Variants in GIMAP8 observed in about 807,000 individuals in gnomAD.
GIMAP8 encodes GTPase IMAP family member 8.
A neutral mutation model predicts 35.6 loss-of-function variants in GIMAP8; 29 were observed. The observed-to-expected ratio is 0.81, with a 90% CI of 0.61 to 1.11. GIMAP8 has a LOEUF of 1.11. Ranked by LOEUF, GIMAP8 falls within the 50% of genes most tolerant of loss-of-function variation. The pLI, the probability that GIMAP8 is intolerant of heterozygous loss-of-function variation, is 0.00. For missense variants in GIMAP8, 811 were observed against 805.0 expected (o/e 1.01, Z -0.09); for synonymous variants, 335 against 308.7 (o/e 1.09, Z -0.89).
At position 150,477,178 on chromosome 7, in the gene GIMAP8, T is replaced by C. The variant is rs1802250067; in HGVS notation, c.1396T>C (p.Ser466Pro). 6.2e-7 allele frequency: 1 copy of C among 1,614,054 alleles called. No individual in the cohort carries two copies. Among genetic ancestry groups the C allele is most frequent in the Non-Finnish European group, 8.5e-7 (1 of 1,179,982 alleles). Residue 466 changes from serine to proline, a missense_variant, in exon 5 of 5, where the codon TCT becomes CCT. Coordinates refer to ENST00000307271, the MANE Select transcript of GIMAP8 (RefSeq NM_175571.4). The stretch of plus-strand genomic sequence containing the variant: ...TATCCTGGGGAGCCTCGTCTTCACC[T>C]CTCGGCTCCGGGCCCAGCCAGTCAC... ...NSILGSLVFT[S>P]RLRAQPVTKT...
intron 1 of GIMAP8, among the ~76,000 whole-genome samples, chr7:150,459,441 G>A (rs550010782): frequency 7.2e-5 from 11 of 152,268 alleles, no homozygotes; most frequent in Admixed American, 1.3e-4. Context: ...TTGAGGATGC[G>A]AAGTAAAAAT....
chr7:150,466,715 GC>G lies in GIMAP8; in HGVS notation c.19del (p.Gln7ArgfsTer39). 1 of 1,614,104 alleles carries G rather than the reference GC, an allele frequency of 6.2e-7. No individual in the cohort carries two copies. Among genetic ancestry groups the G allele is most frequent in the African/African-American group, 1.3e-5 (1 of 75,070 alleles). On this transcript the variant is annotated frameshift_variant, in exon 2 of 5. Transcript: ENST00000307271. LOFTEE classifies it high-confidence loss of function. ...CAGGAAAGCATGTCAGAGCAGAGCTGCCAGATGTCCGAACTGCGGCTCCTCC... is the reference window on the plus strand; with the variant it reads ...CAGGAAAGCATGTCAGAGCAGAGCTGCAGATGTCCGAACTGCGGCTCCTCC... MSEQSCQMSELRLLLL... is the reference protein window; with the variant it reads MSEQSXQMSELRLLLL...
chr7:150,476,358 G>A (rs536569414), intron 4 of GIMAP8, among the ~76,000 whole-genome samples: 149 of 152,342 alleles, frequency 9.8e-4, no homozygotes, highest in Middle Eastern at 6.8e-3. Flanking sequence ...AACGCATATT[G>A]TAAGGTCTCT....
rs552441955 is a variant in GIMAP8, at chr7:150,463,679, C to T, written c.-28-2992C>T. Among the ~76,000 whole-genome samples, 8 of 152,282 alleles carry T rather than the reference C, an allele frequency of 5.3e-5. No homozygotes were observed. In the East Asian group the frequency reaches 1.5e-3, roughly 29 times the overall value. On this transcript the variant is annotated intron_variant, in intron 1 of 4. Transcript: ENST00000307271. ...GTTAGTGAAGGCTGTGGTAAGATTT[C>T]CTGGGGATAGAGATACCAAGTGGGC... is the stretch of plus-strand genomic sequence containing the variant.
At chr7:150,461,995 A>G (rs1350492724) in intron 1 of GIMAP8, among the ~76,000 whole-genome samples, 2 of 152,134 alleles carry the variant, frequency 1.3e-5, no homozygotes, top group Non-Finnish European at 2.9e-5. Context: ...ATTAGTTCTT[A>G]TAGGTTCTGG....
chr7:150,473,007 A>C (rs1200920162), intron 3 of GIMAP8, among the ~76,000 whole-genome samples: 7 of 152,210 alleles, frequency 4.6e-5, no homozygotes, highest in African/African-American at 1.4e-4. Flanking sequence ...TTAGATTCCC[A>C]TTCTACCAAC....
intron 2 of GIMAP8, among the ~76,000 whole-genome samples, chr7:150,467,554 T>C (rs1203426704): frequency 2.0e-5 from 3 of 152,226 alleles, no homozygotes; most frequent in Non-Finnish European, 4.4e-5. Context: ...AATGGACAAA[T>C]TTAAGCCTTT....
rs1164894270 is a variant in GIMAP8, at chr7:150,452,002, C to A, written c.-29+827C>A. The stretch of plus-strand genomic sequence containing the variant: ...AACTGCGATTAGATGTGGGATGAAT[C>A]CCCGCATGGCTGGATGCTGTGCTCA... On this transcript the variant is annotated intron_variant, in intron 1 of 4. Transcript: ENST00000307271. Among the ~76,000 whole-genome samples, 3 of 152,210 alleles carry A rather than the reference C, an allele frequency of 2.0e-5. No homozygotes were observed. The East Asian group carries it at 5.8e-4, about 29-fold the overall frequency.
intron 1 of GIMAP8, among the ~76,000 whole-genome samples, chr7:150,456,362 C>T (rs190466229): frequency 6.6e-6 from 1 of 152,296 alleles, no homozygotes; most frequent in Admixed American, 6.5e-5. Context: ...CCTTTTCCAG[C>T]TTCTAGAAGC....
chr7:150,459,768 A>C (rs1801807022), intron 1 of GIMAP8, among the ~76,000 whole-genome samples: 1 of 152,156 alleles, frequency 6.6e-6, no homozygotes, highest in Non-Finnish European at 1.5e-5. Context: ...TTTGCTGTGA[A>C]GTGAGTTCCT....
rs767031054 is a variant in GIMAP8, at chr7:150,467,008, G to A, written c.310G>A (p.Gly104Ser). Reference sequence around the variant, plus strand: ...TGCTCTGCTCTTGGTAATTGCCATCGGCCATTTCACAAGGGAGGATGAGGA... The same window carrying A: ...TGCTCTGCTCTTGGTAATTGCCATCAGCCATTTCACAAGGGAGGATGAGGA... ...LHALLLVIAI[G>S]HFTREDEETA... Residue 104 changes from glycine (G) to serine (S), a missense_variant, in exon 2 of 5, where the codon GGC becomes AGC. Gly to Ser is a moderately conservative substitution (Grantham distance 56). Coordinates refer to ENST00000307271, the MANE Select transcript of GIMAP8 (RefSeq NM_175571.4). 6.3e-5 allele frequency: 102 copies of A among 1,614,018 alleles called. No individual in the cohort carries two copies. Among genetic ancestry groups the A allele is most frequent in the Non-Finnish European group, 8.3e-5 (98 of 1,180,028 alleles).
chr7:150,474,084 T>C lies in GIMAP8; in HGVS notation c.755T>C (p.Leu252Pro), dbSNP rs1374443899. The change falls in exon 4 of 5, where the codon CTT (leucine) becomes CCT (proline). Residue 252 changes from leucine (L) to proline (P), a missense_variant. Coordinates refer to ENST00000307271, the MANE Select transcript of GIMAP8 (RefSeq NM_175571.4). ...GGGACATCAGAACTGACAGTCCTCC[T>C]TGTGGGGAAACGCGGTGCTGGAAAA... is the stretch of plus-strand genomic sequence containing the variant. ...NPGTSELTVL[L>P]VGKRGAGKSA... 6.8e-6 allele frequency: 11 copies of C among 1,614,136 alleles called. No homozygotes were observed. Among genetic ancestry groups the C allele is most frequent in the Non-Finnish European group, 9.3e-6 (11 of 1,180,026 alleles).
At chr7:150,471,395 C>G (rs560995463) in intron 3 of GIMAP8, among the ~76,000 whole-genome samples, 58 of 152,322 alleles carry the variant, frequency 3.8e-4, no homozygotes, top group South Asian at 8.3e-4. Context: ...ACAAATGCAA[C>G]CATGCCTTTA....
At chr7:150,473,710 C>T (rs1254362057) in intron 3 of GIMAP8, among the ~76,000 whole-genome samples, 1 of 151,628 alleles carries the variant, frequency 6.6e-6, no homozygotes, top group African/African-American at 2.4e-5. Flanking sequence ...TGGTAGGCCC[C>T]AGTACTTACC....
At chr7:150,470,694 G>A in intron 2 of GIMAP8, 135 bp from the exon 3 acceptor site, 1 of 648,942 alleles carries the variant, frequency 1.5e-6, no homozygotes, top group Non-Finnish European at 2.6e-6. Context: ...CCAGGGCCTT[G>A]ATTTGACCAC....
chr7:150,455,090 A>G (rs1420265011), intron 1 of GIMAP8, among the ~76,000 whole-genome samples: 1 of 151,290 alleles, frequency 6.6e-6, no homozygotes. Flanking sequence ...GTGGGCCAAG[A>G]TCGTGCCATT....
At chr7:150,465,227 G>A (rs901636660) in intron 1 of GIMAP8, among the ~76,000 whole-genome samples, 5 of 152,214 alleles carry the variant, frequency 3.3e-5, no homozygotes, top group African/African-American at 1.2e-4. Flanking sequence ...GGCCATCCAA[G>A]AGGGTGCTGT....
chr7:150,470,973 A>ATG, intron 3 of GIMAP8, 99 bp downstream of exon 3: 4 of 941,518 alleles, frequency 4.2e-6, no homozygotes, highest in African/African-American at 1.6e-5. Context: ...ATAAACCAGA[A>ATG]AATTCACCCT....
chr7:150,466,711 A>G lies in GIMAP8; in HGVS notation c.13A>G (p.Ser5Gly), dbSNP rs111489735. MSEQ[S>G]CQMSELRLLL... ...GTGTCAGGAAAGCATGTCAGAGCAG[A>G]GCTGCCAGATGTCCGAACTGCGGCT... The change falls in exon 2 of 5, where the codon AGC becomes GGC. Residue 5 changes from serine (S) to glycine (G), a missense_variant. Transcript: ENST00000307271. 2.3e-4 allele frequency: 370 copies of G among 1,614,042 alleles called. 1 individual carries two copies. In the African/African-American group the frequency reaches 3.7e-3, roughly 16 times the overall value.
Sources: gnomAD v4.1 joint callset for allele counts (sites outside exome capture counted in the v4.1 genomes callset) on GRCh38, gnomAD v4.1.1 for gene constraint, MANE v1.5 for transcripts, NCBI Gene and HGNC (gene_info 2026-07-23, HGNC 2026-07-21) for gene names.